CHD5: variants seen among roughly 807,000 people sequenced by gnomAD.
CHD5 encodes ATP-dependent chromatin remodeler CHD5.
A neutral mutation model predicts 230.3 loss-of-function variants in CHD5; 69 were observed. The ratio of observed to expected loss-of-function variants is 0.30; its 90% CI spans 0.25 to 0.37. The LOEUF is 0.37. Among genes scored for constraint, CHD5 ranks in the 10% least tolerant of loss-of-function variants. The probability of loss-of-function intolerance (pLI) is 1.00; values close to 1 mark genes in which losing one functional copy is unlikely to be tolerated. For synonymous variants in CHD5, 1,064 were observed against 1,065.9 expected (o/e 1.00, Z 0.03); for missense variants, 1,827 against 2,622.8 (o/e 0.70, Z 6.63).
intron 1 of CHD5, among the ~76,000 whole-genome samples, chr1:6,171,465 G>C (rs997925864): frequency 1.3e-5 from 2 of 152,032 alleles, no homozygotes; most frequent in Non-Finnish European, 2.9e-5. Context: ...GCTTCTGGTG[G>C]GTGGCCCTGA....
chr1:6,180,134 G>C lies in CHD5; in HGVS notation c.-111C>G. On this transcript the variant is annotated 5_prime_UTR_variant, in exon 1 of 42. Transcript: ENST00000262450. ...GCGCGCGGCGGGCGAGGCGGCCTCG[G>C]CGAGAAGATGGCGGCCGCCTGCCCC... 3.3e-6 allele frequency: 1 copy of C among 305,116 alleles called. No homozygotes were observed. The allele number at this position is 305,116 out of a possible 1,614,324, so 18.9% of individuals were successfully genotyped here.
intron 38 of CHD5, among the ~76,000 whole-genome samples, chr1:6,108,458 G>A (rs1666232458): frequency 6.7e-6 from 1 of 149,594 alleles, no homozygotes; most frequent in African/African-American, 2.5e-5. Flanking sequence ...TGGGGGATGG[G>A]GGTGGAAGGA....
intron 15 of CHD5, among the ~76,000 whole-genome samples, chr1:6,139,425 T>C (rs1469697151): frequency 6.6e-6 from 1 of 151,916 alleles, no homozygotes; most frequent in Non-Finnish European, 1.5e-5. Context: ...TTAGCAGAGA[T>C]AGGGTTTCAC....
At chr1:6,168,118 C>T (rs777345917) in intron 2 of CHD5, 32 bp downstream of exon 2, 6 of 1,580,542 alleles carry the variant, frequency 3.8e-6, no homozygotes, top group Non-Finnish European at 4.3e-6. Flanking sequence ...CCCACCCGCC[C>T]CAAGCTCGCC....
intron 17 of CHD5, 127 bp downstream of exon 17, chr1:6,136,390 G>T: frequency 2.8e-6 from 3 of 1,077,206 alleles, no homozygotes; most frequent in East Asian, 2.4e-5. Context: ...CATTGCTAAT[G>T]CTCCCATTTT....
intron 1 of CHD5, among the ~76,000 whole-genome samples, chr1:6,172,600 T>C (rs576194257): frequency 6.8e-6 from 1 of 146,090 alleles, no homozygotes; most frequent in East Asian, 2.0e-4. Flanking sequence ...CTGCCACTGT[T>C]TGAACACAGG....
intron 33 of CHD5, among the ~76,000 whole-genome samples, chr1:6,116,837 A>T (rs1278146069): frequency 6.6e-6 from 1 of 152,244 alleles, no homozygotes; most frequent in African/African-American, 2.4e-5. Flanking sequence ...TGATGAACAA[A>T]TAGGCAAACA....
At position 6,110,501 on chromosome 1, in the gene CHD5, T is replaced by C; in HGVS notation, c.5275A>G (p.Ile1759Val). The change falls in exon 37 of 42, where the codon ATC (isoleucine) becomes GTC (valine). Residue 1759 changes from isoleucine (I) to valine (V), a missense_variant. Physicochemically the swap from Ile to Val is conservative, Grantham distance 29. This residue lies in a region of CHD5 where 208 missense variants were observed against 302.0 expected (regional missense o/e 0.69). Transcript: ENST00000262450. ...ATCATGTACCGTGGGTCATTCTGGA[T>C]GTCCTGCCAGCGGGCGTAGCCGTGC... ...VTHGYARWQD[I>V]QNDPRYMILN... 6.2e-7 allele frequency: 1 copy of C among 1,613,486 alleles called. No homozygotes were observed. The highest frequency in any genetic ancestry group is 1.1e-5 in the South Asian group (1 of 91,082).
Position 6,126,857 on chromosome 1 carries a change from A to G in CHD5, c.3904-111T>C. 1.0e-6 allele frequency: 1 copy of G among 961,286 alleles called. No homozygotes were observed. The highest frequency in any genetic ancestry group is 1.6e-6 in the Non-Finnish European group (1 of 640,836). The allele number at this position is 961,286 out of a possible 1,614,324, so 59.5% of individuals were successfully genotyped here. A position where few individuals can be genotyped will look rare whatever the true frequency, so the allele number is the denominator to read the frequency against. On this transcript the variant is annotated intron_variant, in intron 25 of 41. Coordinates refer to ENST00000262450, the MANE Select transcript of CHD5 (RefSeq NM_015557.3). The surrounding 1 kb of genome is among the most constrained non-coding windows in gnomAD (Gnocchi z 5.7). ...TTGCCCCCTCAGGGCTCAAGGATTA[A>G]TGGGATGGCCTGCCTACTCCAGGAA...
At position 6,130,409 on chromosome 1, in the gene CHD5, G is replaced by GA; in HGVS notation, c.3263-82dup. 7.7e-7 allele frequency: 1 copy of GA among 1,294,878 alleles called. No homozygotes were observed. Among genetic ancestry groups the GA allele is most frequent in the Non-Finnish European group, 1.1e-6 (1 of 919,022 alleles). 80.2% of individuals were successfully genotyped at this position (1,294,878 alleles called of 1,614,324 possible). ...CAGAAAGGATGGGGGAGAGAACAGA[G>GA]AGAAGGAACTGCAGCAACAGATCCC... On this transcript the variant is annotated intron_variant, in intron 21 of 41. Coordinates refer to ENST00000262450, the MANE Select transcript of CHD5 (RefSeq NM_015557.3). This position sits in a 1 kb window ranked among gnomAD's most constrained non-coding sequence, Gnocchi z 4.9.
chr1:6,112,814 C>T (rs995133550), intron 34 of CHD5, 95 bp downstream of exon 34: 2 of 896,536 alleles, frequency 2.2e-6, no homozygotes, highest in Non-Finnish European at 3.5e-6. Flanking sequence ...GCCAAGGGGA[C>T]GGCGCCTGGG....
In CHD5 at chr1:6,180,185, C is replaced by T; in HGVS notation, c.-162G>A. 1 of 182,188 alleles carries T rather than the reference C, an allele frequency of 5.5e-6. No homozygotes were observed. The highest frequency in any genetic ancestry group is 1.2e-4 in the East Asian group (1 of 8,298). The allele number at this position is 182,188 out of a possible 1,614,324, so 11.3% of individuals were successfully genotyped here. A position where few individuals can be genotyped will look rare whatever the true frequency, so the allele number is the denominator to read the frequency against. The stretch of plus-strand genomic sequence containing the variant: ...CCCACCCCCCCAAACCTCCACCCCC[C>T]CGTCTCGACCCCCCTTTCTCTCGGC... On this transcript the variant is annotated 5_prime_UTR_variant, in exon 1 of 42. Transcript: ENST00000262450.
Position 6,146,083 on chromosome 1 carries a change from CAT to C in CHD5, c.1802+127_1802+128del. The C allele has an allele frequency of 1.2e-6, 1 of 836,620 alleles. No homozygotes were observed. Among genetic ancestry groups the C allele is most frequent in the East Asian group, 2.5e-5 (1 of 40,158 alleles). The allele number at this position is 836,620 out of a possible 1,614,324, so 51.8% of individuals were successfully genotyped here. Reference sequence around the variant, plus strand: ...CTTCCTTGTGCCCCTGCTGTGCCCACATGTGGTTCTGCACGGCAGCCCCAAAG... The same window carrying C: ...CTTCCTTGTGCCCCTGCTGTGCCCACGTGGTTCTGCACGGCAGCCCCAAAG... On this transcript the variant is annotated intron_variant, in intron 11 of 41. Coordinates refer to ENST00000262450, the MANE Select transcript of CHD5 (RefSeq NM_015557.3). This position sits in a 1 kb window ranked among gnomAD's most constrained non-coding sequence, Gnocchi z 5.1.
At chr1:6,173,254 G>A (rs182778712) in intron 1 of CHD5, among the ~76,000 whole-genome samples, 4 of 151,868 alleles carry the variant, frequency 2.6e-5, no homozygotes, top group East Asian at 1.9e-4. Context: ...ACAGGTGTCC[G>A]CCACCACACC....
At chr1:6,136,071 G>A (rs1173427315) in intron 17 of CHD5, among the ~76,000 whole-genome samples, 2 of 151,914 alleles carry the variant, frequency 1.3e-5, no homozygotes, top group Non-Finnish European at 2.9e-5. Flanking sequence ...AATCGACACT[G>A]TGCACCCTGA....
intron 36 of CHD5, 22 bp downstream of exon 36, chr1:6,111,753 A>G: frequency 6.2e-7 from 1 of 1,602,406 alleles, no homozygotes; most frequent in Non-Finnish European, 8.5e-7. Context: ...GTCCCTGCCC[A>G]GCCCGGCCTG....
intron 2 of CHD5, among the ~76,000 whole-genome samples, chr1:6,160,845 C>T (rs1667165472): frequency 6.6e-6 from 1 of 152,226 alleles, no homozygotes; most frequent in Non-Finnish European, 1.5e-5. Context: ...ACCAGAGCAC[C>T]CCACCAGAGA....
chr1:6,123,900 C>T (rs1275113672), intron 31 of CHD5, 48 bp downstream of exon 31: 10 of 1,362,320 alleles, frequency 7.3e-6, no homozygotes, highest in Non-Finnish European at 8.6e-6. Context: ...GTGACCTTGC[C>T]ACTTTCCATG....
intron 1 of CHD5, among the ~76,000 whole-genome samples, chr1:6,173,109 T>A (rs1184317070): frequency 2.4e-5 from 2 of 82,576 alleles, no homozygotes; most frequent in Admixed American, 1.2e-4. Flanking sequence ...GCGTTATTTC[T>A]TTTTTTTTTT....
Sources: gnomAD v4.1 joint callset for allele counts (sites outside exome capture counted in the v4.1 genomes callset) on GRCh38, gnomAD v4.1.1 for gene constraint, gnomAD v4.1.1 regional missense constraint, Gnocchi (gnomAD v3.1) non-coding constraint, MANE v1.5 for transcripts, NCBI Gene and HGNC (gene_info 2026-07-23, HGNC 2026-07-21) for gene names.